Variants in PBX4 observed in about 807,000 individuals in gnomAD.
The protein encoded by PBX4 is PBX homeobox 4.
In PBX4, 26 loss-of-function variants were observed where a neutral mutation model predicts 35.1. The ratio of observed to expected loss-of-function variants is 0.74; its 90% CI spans 0.54 to 1.03. The LOEUF (loss-of-function observed/expected upper bound fraction) is 1.03, where lower values mean the gene tolerates loss of function less well. Ranked by LOEUF, PBX4 falls within the 50% of genes least tolerant of loss-of-function variation. PBX4 has a pLI of 0.00. For missense variants in PBX4, 448 were observed against 504.3 expected (o/e 0.89, Z 1.07); for synonymous variants, 199 against 204.2 (o/e 0.97, Z 0.22).
chr19:19,562,229 T>C lies in PBX4; in HGVS notation c.1033-112A>G. 1.4e-6 allele frequency: 1 copy of C among 732,430 alleles called. No homozygotes were observed. The highest frequency in any genetic ancestry group is 1.9e-5 in the South Asian group (1 of 51,686). 45.4% of individuals were successfully genotyped at this position (732,430 alleles called of 1,614,324 possible). A position where few individuals can be genotyped will look rare whatever the true frequency, so the allele number is the denominator to read the frequency against. ...GGTCCCTGGGAAGGCTTGGAAAAGA[T>C]CCACAGATGACCTCCAGCTCAGTGG... On this transcript the variant is annotated intron_variant, in intron 7 of 7. Transcript: ENST00000251203. This position sits in a 1 kb window ranked among gnomAD's most constrained non-coding sequence, Gnocchi z 4.8.
intron 1 of PBX4, among the ~76,000 whole-genome samples, chr19:19,614,809 G>A (rs1055657264): frequency 2.0e-5 from 3 of 149,868 alleles, no homozygotes; most frequent in African/African-American, 7.4e-5. Flanking sequence ...GAGGCGGGAG[G>A]ATTTCTTAAC....
At chr19:19,601,125 G>A (rs1751607697) in intron 1 of PBX4, among the ~76,000 whole-genome samples, 1 of 152,206 alleles carries the variant, frequency 6.6e-6, no homozygotes, top group African/African-American at 2.4e-5. Flanking sequence ...TTGCTCTGGG[G>A]CAACTGGGGT....
At chr19:19,571,136 C>T (rs1056774054) in intron 2 of PBX4, among the ~76,000 whole-genome samples, 5 of 152,174 alleles carry the variant, frequency 3.3e-5, no homozygotes, top group African/African-American at 7.2e-5. Flanking sequence ...GCCAGGCAGG[C>T]GCCTGTTGCT....
chr19:19,609,329 C>T (rs948625037), intron 1 of PBX4, among the ~76,000 whole-genome samples: 2 of 151,766 alleles, frequency 1.3e-5, no homozygotes, highest in Non-Finnish European at 2.9e-5. Context: ...GCGGGTGGAT[C>T]ACCTGAGGTC....
chr19:19,570,961 C>T lies in PBX4; in HGVS notation c.194-128G>A, dbSNP rs150393227. The T allele has an allele frequency of 2.2e-4, 270 of 1,237,310 alleles. 4 individuals carry two copies. The East Asian group carries it at 6.3e-3, about 29-fold the overall frequency. The allele number at this position is 1,237,310 out of a possible 1,614,324, so 76.6% of individuals were successfully genotyped here. ...GAACCCTTCGGGAGAAAGGAATACT[C>T]CACTTTATCACCAAATTGGATGATG... On this transcript the variant is annotated intron_variant, in intron 2 of 7. Coordinates refer to ENST00000251203, the MANE Select transcript of PBX4 (RefSeq NM_025245.3).
intron 1 of PBX4, among the ~76,000 whole-genome samples, chr19:19,616,334 T>A (rs1356534262): frequency 6.6e-6 from 1 of 152,114 alleles, no homozygotes; most frequent in Admixed American, 6.6e-5. Flanking sequence ...AAAACAAAAC[T>A]ATTTTTTTAT....
intron 1 of PBX4, among the ~76,000 whole-genome samples, chr19:19,600,028 GCTA>G (rs557012562): frequency 8.0e-4 from 120 of 150,912 alleles, no homozygotes; most frequent in Non-Finnish European, 6.5e-4. Context: ...TGTAATCCCA[GCTA>G]CTCAGGTGGG....
intron 1 of PBX4, among the ~76,000 whole-genome samples, chr19:19,612,679 C>T (rs2061668883): frequency 6.6e-6 from 1 of 152,018 alleles, no homozygotes; most frequent in African/African-American, 2.4e-5. Flanking sequence ...CATCTAAAGG[C>T]TAGGTCCAAA....
In PBX4 at chr19:19,606,179, G is replaced by A. The variant is rs576121222; in HGVS notation, c.120-6814C>T. Among the ~76,000 whole-genome samples, 13 of 152,282 alleles carry A rather than the reference G, an allele frequency of 8.5e-5. No homozygotes were observed. In the East Asian group the frequency reaches 2.5e-3, roughly 29 times the overall value. On this transcript the variant is annotated intron_variant, in intron 1 of 7. Transcript: ENST00000251203. ...TCAGGAAGTACCTGTGACTTGCAAT[G>A]TGCCAAAGGTGATGGTATCATCTCT...
rs548886434 is a variant in PBX4, at chr19:19,574,014, G to A, written c.194-3181C>T. On this transcript the variant is annotated intron_variant, in intron 2 of 7. Coordinates refer to ENST00000251203, the MANE Select transcript of PBX4 (RefSeq NM_025245.3). The stretch of plus-strand genomic sequence containing the variant: ...CAATGTGCTGGGATTACAGGCGTGA[G>A]TCACCACACCCAGCCTCACACCCAG... Among the ~76,000 whole-genome samples, 1,086 of 152,270 alleles carry A rather than the reference G, an allele frequency of 7.1e-3. 7 individuals carry two copies. Among genetic ancestry groups the A allele is most frequent in the Non-Finnish European group, 0.011 (753 of 68,024 alleles).
intron 2 of PBX4, among the ~76,000 whole-genome samples, chr19:19,578,790 C>T (rs1225922091): frequency 2.6e-5 from 4 of 152,176 alleles, no homozygotes; most frequent in South Asian, 2.1e-4. Context: ...TAACTCCCAA[C>T]GTGACTATTT....
chr19:19,608,747 C>T (rs942900313), intron 1 of PBX4: 2 of 152,644 alleles, frequency 1.3e-5, no homozygotes, highest in Admixed American at 1.3e-4. Context: ...AAGTCCAGAT[C>T]TTGGCCATCT....
chr19:19,615,540 G>A (rs1317485950), intron 1 of PBX4, among the ~76,000 whole-genome samples: 3 of 152,138 alleles, frequency 2.0e-5, no homozygotes, highest in East Asian at 1.9e-4. Context: ...CCAGAACCCA[G>A]TTCAGTACCC....
intron 1 of PBX4, among the ~76,000 whole-genome samples, chr19:19,612,516 G>C (rs1394356350): frequency 6.6e-6 from 1 of 152,152 alleles, no homozygotes; most frequent in Non-Finnish European, 1.5e-5. Flanking sequence ...CAGTTGATCA[G>C]AAGAGACAAT....
chr19:19,594,185 C>A (rs2061546154), intron 2 of PBX4, among the ~76,000 whole-genome samples: 1 of 151,496 alleles, frequency 6.6e-6, no homozygotes, highest in South Asian at 2.1e-4. Context: ...GCGGGCGGAT[C>A]ACCTGAGGTC....
intron 1 of PBX4, among the ~76,000 whole-genome samples, 196 bp from the exon 2 acceptor site, chr19:19,599,561 G>GCC (rs1266176842): frequency 2.0e-5 from 3 of 152,188 alleles, no homozygotes; most frequent in Non-Finnish European, 2.9e-5. Context: ...ATAAAGGCCA[G>GCC]CCGTGGTGGC....
intron 2 of PBX4, among the ~76,000 whole-genome samples, chr19:19,575,498 A>G (rs1035103845): frequency 2.0e-5 from 3 of 152,038 alleles, no homozygotes; most frequent in Non-Finnish European, 2.9e-5. Context: ...AAAACAGACA[A>G]TGGCTGTCCT....
intron 1 of PBX4, among the ~76,000 whole-genome samples, chr19:19,600,110 C>A (rs1419611565): frequency 6.6e-6 from 1 of 151,740 alleles, no homozygotes; most frequent in Non-Finnish European, 1.5e-5. Flanking sequence ...CCACTGTACT[C>A]CAGCCCAGGC....
chr19:19,594,395 TAAA>T (rs140724783), intron 2 of PBX4, among the ~76,000 whole-genome samples: 2 of 126,318 alleles, frequency 1.6e-5, no homozygotes, highest in Admixed American at 8.1e-5. Context: ...AAACTCTGTC[TAAA>T]AAAAAAAAAA....
Sources: gnomAD v4.1 joint callset for allele counts (sites outside exome capture counted in the v4.1 genomes callset) on GRCh38, gnomAD v4.1.1 for gene constraint, Gnocchi (gnomAD v3.1) non-coding constraint, MANE v1.5 for transcripts, NCBI Gene and HGNC (gene_info 2026-07-23, HGNC 2026-07-21) for gene names.